Variants in RAP1GAP observed in about 807,000 individuals in gnomAD.
The protein encoded by RAP1GAP is RAP1 GTPase activating protein.
Under a neutral mutation model 87.2 loss-of-function variants are expected in RAP1GAP, and 35 were observed. The ratio of observed to expected loss-of-function variants is 0.40; its 90% CI spans 0.31 to 0.53. The LOEUF is 0.53. RAP1GAP is among the 20% of genes least tolerant of loss of function. The probability of loss-of-function intolerance (pLI) is 0.48; values close to 1 mark genes in which losing one functional copy is unlikely to be tolerated. For synonymous variants in RAP1GAP, 375 were observed against 363.9 expected (o/e 1.03, Z -0.35); for missense variants, 734 against 898.9 (o/e 0.82, Z 2.35).
At chr1:21,602,371 G>A (rs1465071080) in intron 19 of RAP1GAP, among the ~76,000 whole-genome samples, 1 of 152,202 alleles carries the variant, frequency 6.6e-6, no homozygotes, top group East Asian at 1.9e-4. Flanking sequence ...TGATGTCCGG[G>A]GGCAGCCCTG....
chr1:21,647,382 T>C (rs1229939306), intron 2 of RAP1GAP, among the ~76,000 whole-genome samples: 3 of 152,156 alleles, frequency 2.0e-5, no homozygotes, highest in Non-Finnish European at 2.9e-5. Context: ...GAGATTCACT[T>C]GAACCCAGGA....
In RAP1GAP at chr1:21,603,655, T is replaced by C; in HGVS notation, c.1429-742A>G. 1 of 775,782 alleles carries C rather than the reference T, an allele frequency of 1.3e-6. No homozygotes were observed. Among genetic ancestry groups the C allele is most frequent in the South Asian group, 1.4e-5 (1 of 73,234 alleles). 48.1% of individuals were successfully genotyped at this position (775,782 alleles called of 1,614,324 possible). The stretch of plus-strand genomic sequence containing the variant: ...TGAGGGGCACTGGCTCTGGCACAGG[T>C]ACCAGGCCCCAAAGCAGGTGCTGAG... On this transcript the variant is annotated intron_variant, in intron 18 of 24. Coordinates refer to ENST00000374765, the MANE Select transcript of RAP1GAP (RefSeq NM_002885.4). The surrounding 1 kb of genome is among the most constrained non-coding windows in gnomAD (Gnocchi z 6.0).
At chr1:21,621,253 C>T (rs1422686356) in intron 3 of RAP1GAP, among the ~76,000 whole-genome samples, 1 of 152,166 alleles carries the variant, frequency 6.6e-6, no homozygotes, top group East Asian at 1.9e-4. Flanking sequence ...GCAGGTGTGT[C>T]CAGGGAGACC....
chr1:21,599,394 A>C (rs2066316413), intron 21 of RAP1GAP, 100 bp downstream of exon 21: 2 of 1,493,362 alleles, frequency 1.3e-6, no homozygotes, highest in Non-Finnish European at 8.9e-7. Context: ...ATCACATCTC[A>C]GCCACGCCCA....
chr1:21,609,526 C>T lies in RAP1GAP; in HGVS notation c.1071+49G>A. ...CAGAATGTGTATGCACCCCCCAGGCCCCCACCCATTTGTCCTGCTCTGCCC... is the reference window on the plus strand; with the variant it reads ...CAGAATGTGTATGCACCCCCCAGGCTCCCACCCATTTGTCCTGCTCTGCCC... On this transcript the variant is annotated intron_variant, in intron 15 of 24. Transcript: ENST00000374765. This position sits in a 1 kb window ranked among gnomAD's most constrained non-coding sequence, Gnocchi z 4.4. The T allele has an allele frequency of 8.8e-7, 1 of 1,133,090 alleles. No homozygotes were observed. Among genetic ancestry groups the T allele is most frequent in the African/African-American group, 1.6e-5 (1 of 62,756 alleles). The allele number at this position is 1,133,090 out of a possible 1,614,324, so 70.2% of individuals were successfully genotyped here. A position where few individuals can be genotyped will look rare whatever the true frequency, so the allele number is the denominator to read the frequency against.
At chr1:21,608,465 G>A (rs558022681) in intron 16 of RAP1GAP, 115 bp from the exon 17 acceptor site, 51 of 1,400,828 alleles carry the variant, frequency 3.6e-5, no homozygotes, top group Non-Finnish European at 4.7e-5. Context: ...TGAGTGGGGA[G>A]TGGGGAGGGC....
chr1:21,621,874 T>A (rs2087968218), intron 3 of RAP1GAP, among the ~76,000 whole-genome samples: 1 of 152,218 alleles, frequency 6.6e-6, no homozygotes, highest in South Asian at 2.1e-4. Flanking sequence ...CACATGGTCC[T>A]GTCACCCAGA....
intron 18 of RAP1GAP, 149 bp downstream of exon 18, chr1:21,605,917 A>G (rs1013583525): frequency 4.8e-6 from 5 of 1,042,416 alleles, no homozygotes; most frequent in Non-Finnish European, 6.8e-6. Flanking sequence ...CCTCCCATGG[A>G]AAGTAGTGGC....
rs1393804036 is a variant in RAP1GAP, at chr1:21,615,694, C to G, written c.292-1605G>C. On this transcript the variant is annotated intron_variant, in intron 7 of 24. Coordinates refer to ENST00000374765, the MANE Select transcript of RAP1GAP (RefSeq NM_002885.4). The surrounding 1 kb of genome is among the most constrained non-coding windows in gnomAD (Gnocchi z 4.5). ...GGTATAAGCCAGGGCGCCCAGCTGC[C>G]TCTTCTGACCCTCCAGTCTGCACTT... Among the ~76,000 whole-genome samples, 1 of 152,150 alleles carries G rather than the reference C, an allele frequency of 6.6e-6. No individual in the cohort carries two copies. Among genetic ancestry groups the G allele is most frequent in the Non-Finnish European group, 1.5e-5 (1 of 68,016 alleles).
At chr1:21,651,976 G>T (rs2096611796) in intron 1 of RAP1GAP, 4 of 549,352 alleles carry the variant, frequency 7.3e-6, no homozygotes, top group African/African-American at 4.1e-5. Flanking sequence ...GCCGGGGGCC[G>T]CCGGCGCAGA....
At chr1:21,628,162 A>C (rs2092812074) in intron 2 of RAP1GAP, among the ~76,000 whole-genome samples, 1 of 152,188 alleles carries the variant, frequency 6.6e-6, no homozygotes, top group Non-Finnish European at 1.5e-5. Flanking sequence ...TGAGCAAAGG[A>C]ACATCCCTAC....
chr1:21,650,061 T>G, intron 1 of RAP1GAP, among the ~76,000 whole-genome samples: 2 of 143,006 alleles, frequency 1.4e-5, no homozygotes, highest in African/African-American at 2.6e-5. Context: ...GGCTGTGGGG[T>G]GTTAGCAGGG....
intron 2 of RAP1GAP, among the ~76,000 whole-genome samples, chr1:21,631,859 C>T (rs1228864888): frequency 6.6e-6 from 1 of 152,160 alleles, no homozygotes; most frequent in Non-Finnish European, 1.5e-5. Flanking sequence ...CCACAGCGTG[C>T]ATCCCACTGT....
At position 21,603,959 on chromosome 1, in the gene RAP1GAP, G is replaced by C. The variant is rs950833683; in HGVS notation, c.1429-1046C>G. 1.4e-6 allele frequency: 2 copies of C among 1,388,282 alleles called. No homozygotes were observed. Among genetic ancestry groups the C allele is most frequent in the Non-Finnish European group, 2.0e-6 (2 of 1,020,328 alleles). The allele number at this position is 1,388,282 out of a possible 1,614,324, so 86.0% of individuals were successfully genotyped here. On this transcript the variant is annotated intron_variant, in intron 18 of 24. Coordinates refer to ENST00000374765, the MANE Select transcript of RAP1GAP (RefSeq NM_002885.4). The surrounding 1 kb of genome is among the most constrained non-coding windows in gnomAD (Gnocchi z 6.0). ...GGGCAGAGAGAGAGAGACAGAGAGA[G>C]AGTCAGAGAGCAAGAGAGATGGTGG... is the stretch of plus-strand genomic sequence containing the variant.
chr1:21,607,446 G>A (rs1206993230), intron 17 of RAP1GAP, among the ~76,000 whole-genome samples: 1 of 152,144 alleles, frequency 6.6e-6, no homozygotes, highest in African/African-American at 2.4e-5. Flanking sequence ...GCTGAAATTT[G>A]AAGTGTCCGT....
intron 2 of RAP1GAP, among the ~76,000 whole-genome samples, chr1:21,637,183 G>T (rs1185192195): frequency 6.7e-6 from 1 of 149,750 alleles, no homozygotes; most frequent in Non-Finnish European, 1.5e-5. Flanking sequence ...TGGGGGCAGG[G>T]TCTCACTTTG....
At chr1:21,600,884 C>CAA (rs55668367) in intron 20 of RAP1GAP, among the ~76,000 whole-genome samples, 15 of 53,020 alleles carry the variant, frequency 2.8e-4, no homozygotes, top group Middle Eastern at 0.012. Context: ...GACTCTGTCT[C>CAA]AAAAAAAAAA....
At chr1:21,666,027 C>T (rs1160053715) in intron 1 of RAP1GAP, among the ~76,000 whole-genome samples, 1 of 152,252 alleles carries the variant, frequency 6.6e-6, no homozygotes, top group East Asian at 1.9e-4. Context: ...TTGTCCGGGC[C>T]ACACAGCCAG....
chr1:21,661,252 CAAA>C (rs60956284), intron 1 of RAP1GAP, among the ~76,000 whole-genome samples: 5 of 127,302 alleles, frequency 3.9e-5, no homozygotes, highest in Admixed American at 8.0e-5. Flanking sequence ...ACTCTGTCTC[CAAA>C]AAAAAAAAAA....
Sources: allele counts gnomAD v4.1 joint callset (sites outside exome capture counted in the v4.1 genomes callset), GRCh38; gene constraint gnomAD v4.1.1; non-coding constraint Gnocchi (gnomAD v3.1); transcripts MANE v1.5; gene names NCBI Gene and HGNC (gene_info 2026-07-23, HGNC 2026-07-21).